Variants in MOK observed in about 807,000 individuals in gnomAD.
MOK encodes the protein MOK protein kinase.
A neutral mutation model predicts 54.2 loss-of-function variants in MOK; 59 were observed. The ratio of observed to expected loss-of-function variants is 1.09; its 90% confidence interval spans 0.88 to 1.35. The LOEUF (loss-of-function observed/expected upper bound fraction) is 1.35, where lower values mean the gene tolerates loss of function less well. Ranked by LOEUF, MOK falls within the 40% of genes most tolerant of loss-of-function variation. MOK has a pLI of 0.00. For missense variants in MOK, 517 were observed against 526.2 expected, an observed-to-expected ratio of 0.98 and a Z score of 0.17; for synonymous variants, 210 against 202.7, an observed-to-expected ratio of 1.04 and a Z score of -0.31.
At chr14:102,256,104 ATTT>A (rs55845343) in intron 4 of MOK, among the ~76,000 whole-genome samples, 2 of 146,656 alleles carry the variant, frequency 1.4e-5, no homozygotes, top group African/African-American at 5.0e-5. Context: ...AGTTATTATT[ATTT>A]TTTTTTTTTG....
chr14:102,295,954 A>G (rs1000439813), intron 1 of MOK, among the ~76,000 whole-genome samples: 1 of 152,088 alleles, frequency 6.6e-6, no homozygotes, highest in African/African-American at 2.4e-5. Flanking sequence ...TGGTCAACAT[A>G]GCAACACCTG....
Position 102,304,956 on chromosome 14 carries a change from A to G in MOK, c.7+6T>C, listed in dbSNP as rs766158639. On this transcript the variant is annotated splice_donor_region_variant and intron_variant, in intron 1 of 11. Transcript: ENST00000361847. ...AGTCCCTGCCCCTTTCCCCGGCCCCACTCACTCTTCATCTTGGATGCGGAA... is the reference window on the plus strand; with the variant it reads ...AGTCCCTGCCCCTTTCCCCGGCCCCGCTCACTCTTCATCTTGGATGCGGAA... 7.8e-7 allele frequency: 1 copy of G among 1,277,828 alleles called. No homozygotes were observed. The highest frequency in any genetic ancestry group is 2.2e-5 in the African/African-American group (1 of 46,112). 79.2% of individuals were successfully genotyped at this position (1,277,828 alleles called of 1,614,324 possible). A position where few individuals can be genotyped will look rare whatever the true frequency, so the allele number is the denominator to read the frequency against.
intron 7 of MOK, among the ~76,000 whole-genome samples, chr14:102,241,205 C>T (rs2065688566): frequency 6.6e-6 from 1 of 152,150 alleles, no homozygotes; most frequent in Non-Finnish European, 1.5e-5. Flanking sequence ...CTTCAGTCTC[C>T]ACTCCAAGCT....
At chr14:102,285,346 G>A (rs550953736) in intron 1 of MOK, among the ~76,000 whole-genome samples, 22 of 152,272 alleles carry the variant, frequency 1.4e-4, no homozygotes, top group African/African-American at 5.3e-4. Context: ...CCTCCCAAGT[G>A]GCTAGCATGA....
rs1254751178 is a variant in MOK, at chr14:102,250,779, C to T, written c.590+33G>A. ...GCCTGGCTGCTGCACCGCTCCGCCG[C>T]AGGAACCAGGCAGGAGCCTGGCCTG... On this transcript the variant is annotated intron_variant, in intron 7 of 11. Transcript: ENST00000361847. 3 of 1,601,394 alleles carry T rather than the reference C, an allele frequency of 1.9e-6. No individual in the cohort carries two copies. The African/African-American group carries it at 4.0e-5, about 21-fold the overall frequency.
At chr14:102,220,143 G>A (rs1376744631), downstream of MOK, among the ~76,000 whole-genome samples, 2 of 152,224 alleles carry the variant, frequency 1.3e-5, no homozygotes, top group Non-Finnish European at 2.9e-5. The surrounding 1 kb of genome is among the most constrained non-coding windows in gnomAD (Gnocchi z 4.2). Context: ...TGGCAGCCTG[G>A]TGGCTGCGCC....
At chr14:102,260,691 A>G (rs2067314468) in intron 4 of MOK, 1 of 151,110 alleles carries the variant, frequency 6.6e-6, no homozygotes, top group Non-Finnish European at 1.5e-5. Context: ...GACAATATTT[A>G]TATAATGAAT....
chr14:102,301,009 C>T (rs2072130119), intron 1 of MOK, among the ~76,000 whole-genome samples: 1 of 152,094 alleles, frequency 6.6e-6, no homozygotes, highest in Non-Finnish European at 1.5e-5. Flanking sequence ...ACAGGAGAAT[C>T]GCTTGAACCC....
At chr14:102,233,823 T>C (rs758093529) in intron 7 of MOK, 34 bp from the exon 8 acceptor site, 2 of 1,517,724 alleles carry the variant, frequency 1.3e-6, no homozygotes, top group South Asian at 1.1e-5. Context: ...TGGTCAGTGT[T>C]AGGGCAGAGC....
intron 2 of MOK, among the ~76,000 whole-genome samples, chr14:102,276,068 T>C (rs933915997): frequency 1.3e-5 from 2 of 152,150 alleles, no homozygotes; most frequent in African/African-American, 4.8e-5. Flanking sequence ...AAGTAGAAAC[T>C]AAAACTACCA....
At chr14:102,285,918 C>A (rs569733361) in intron 1 of MOK, among the ~76,000 whole-genome samples, 2 of 151,836 alleles carry the variant, frequency 1.3e-5, no homozygotes, top group Non-Finnish European at 2.9e-5. Flanking sequence ...ATACAATACC[C>A]CTGTACATTC....
At chr14:102,289,815 CCTT>C (rs1283851695) in intron 1 of MOK, among the ~76,000 whole-genome samples, 2 of 152,088 alleles carry the variant, frequency 1.3e-5, no homozygotes, top group Admixed American at 1.3e-4. Context: ...CCCTCAAGCT[CCTT>C]CTTTGTCAAC....
chr14:102,301,362 T>G (rs2072174488), intron 1 of MOK, among the ~76,000 whole-genome samples: 1 of 152,184 alleles, frequency 6.6e-6, no homozygotes, highest in South Asian at 2.1e-4. Flanking sequence ...TCTTATCAAC[T>G]GCACTGTGTC....
At chr14:102,266,405 G>A (rs1481026875) in intron 2 of MOK, among the ~76,000 whole-genome samples, 5 of 150,404 alleles carry the variant, frequency 3.3e-5, no homozygotes, top group African/African-American at 1.2e-4. Context: ...TCCAGGCTCA[G>A]GTGATCCTCC....
At chr14:102,283,368 T>C (rs148138796) in intron 2 of MOK, 110 bp downstream of exon 2, 11 of 654,936 alleles carry the variant, frequency 1.7e-5, no homozygotes, top group African/African-American at 1.3e-4. Flanking sequence ...AGAAATCTGA[T>C]TGTATCTTAC....
intron 1 of MOK, among the ~76,000 whole-genome samples, chr14:102,298,847 C>T (rs1475846624): frequency 6.6e-6 from 1 of 152,216 alleles, no homozygotes; most frequent in Non-Finnish European, 1.5e-5. Context: ...TAGCTTCTCT[C>T]CTGAGGCCAG....
chr14:102,251,122 G>T, intron 6 of MOK, 132 bp from the exon 7 acceptor site: 1 of 945,502 alleles, frequency 1.1e-6, no homozygotes, highest in Non-Finnish European at 1.5e-6. Context: ...ACAAATTACT[G>T]GCTTTCTGAG....
chr14:102,279,636 G>C (rs2069210599), intron 2 of MOK, among the ~76,000 whole-genome samples: 1 of 151,920 alleles, frequency 6.6e-6, no homozygotes, highest in Non-Finnish European at 1.5e-5. Flanking sequence ...TGTACTTTTG[G>C]CAAGTATTGG....
At position 102,251,008 on chromosome 14, in the gene MOK, C is replaced by T. The variant is rs375300889; in HGVS notation, c.412-18G>A. ...ACATCCTGCTGGAAGGGGAAAGAAG[C>T]AAGGACAAGTAACATCCCATTATGT... On this transcript the variant is annotated intron_variant, in intron 6 of 11. Coordinates refer to ENST00000361847, the MANE Select transcript of MOK (RefSeq NM_014226.3). 3.7e-6 allele frequency: 6 copies of T among 1,612,584 alleles called. No individual in the cohort carries two copies. In the East Asian group the frequency reaches 8.9e-5, roughly 24 times the overall value.
Sources: allele counts gnomAD v4.1 joint callset (sites outside exome capture counted in the v4.1 genomes callset), GRCh38; gene constraint gnomAD v4.1.1; non-coding constraint Gnocchi (gnomAD v3.1); transcripts MANE v1.5; gene names NCBI Gene and HGNC (gene_info 2026-07-23, HGNC 2026-07-21).